Variants in ATOH8 observed in about 807,000 individuals in gnomAD.
ATOH8 encodes atonal bHLH transcription factor 8.
Under a neutral mutation model 21.2 loss-of-function variants are expected in ATOH8, and 9 were observed. That is an observed-to-expected ratio of 0.42 (90% CI 0.26 to 0.74). ATOH8 has a LOEUF of 0.74. Ranked by LOEUF, ATOH8 falls within the 30% of genes least tolerant of loss-of-function variation. ATOH8 has a pLI of 0.24. For synonymous variants in ATOH8, 253 were observed against 224.0 expected (o/e 1.13, Z -1.16); for missense variants, 524 against 470.9 (o/e 1.11, Z -1.04).
chr2:85,786,411 G>C (rs1680621464), intron 2 of ATOH8, among the ~76,000 whole-genome samples: 1 of 152,240 alleles, frequency 6.6e-6, no homozygotes, highest in African/African-American at 2.4e-5. Context: ...AGGTCACCCA[G>C]CTGGCAGGTG....
Position 85,754,054 on chromosome 2 carries a change from C to A in ATOH8, c.-136C>A. 1 of 1,134,420 alleles carries A rather than the reference C, an allele frequency of 8.8e-7. No homozygotes were observed. The highest frequency in any genetic ancestry group is 1.2e-6 in the Non-Finnish European group (1 of 864,280). The allele number at this position is 1,134,420 out of a possible 1,614,324, so 70.3% of individuals were successfully genotyped here. A position where few individuals can be genotyped will look rare whatever the true frequency, so the allele number is the denominator to read the frequency against. ...CGGCTTCCCGAAGCCGGCGGCGCAG[C>A]TGCCCGGGGCGAGGGGGAGAAAGGG... On this transcript the variant is annotated 5_prime_UTR_variant, in exon 1 of 3. In the 5' UTR this introduces an upstream ATG that the reference lacks. Coordinates refer to ENST00000306279, the MANE Select transcript of ATOH8 (RefSeq NM_032827.7).
intron 2 of ATOH8, among the ~76,000 whole-genome samples, chr2:85,776,007 C>T (rs1680309768): frequency 6.6e-6 from 1 of 152,254 alleles, no homozygotes; most frequent in South Asian, 2.1e-4. Flanking sequence ...ACTGAAATGA[C>T]CTGACTAGGC....
In ATOH8 at chr2:85,754,698, C is replaced by G. The variant is rs370860948; in HGVS notation, c.509C>G (p.Ala170Gly). Reference sequence around the variant, plus strand: ...CGCCCCGCGCCGTCAGCACCCCCAGCACCGCCAGCGCCCCCGGAGTCCACT... The same window carrying G: ...CGCCCCGCGCCGTCAGCACCCCCAGGACCGCCAGCGCCCCCGGAGTCCACT... ...PARPAPSAPP[A>G]PPAPPESTVR... is the part of the protein sequence containing the mutation. Residue 170 changes from alanine to glycine, a missense_variant, in exon 1 of 3, where the codon GCA becomes GGA. By Grantham distance (60) the Ala-to-Gly change is moderately conservative (BLOSUM62 0). Coordinates refer to ENST00000306279, the MANE Select transcript of ATOH8 (RefSeq NM_032827.7). 4.4e-6 allele frequency: 7 copies of G among 1,606,882 alleles called. No individual in the cohort carries two copies. Among genetic ancestry groups the G allele is most frequent in the Non-Finnish European group, 5.9e-6 (7 of 1,177,084 alleles).
intron 1 of ATOH8, 50 bp downstream of exon 1, chr2:85,755,007 G>A: frequency 6.6e-7 from 1 of 1,523,864 alleles, no homozygotes; most frequent in East Asian, 2.4e-5. Context: ...ACGACTGCGG[G>A]AATGGGTGGG....
Position 85,785,321 on chromosome 2 carries a change from C to T in ATOH8, c.961-1564C>T, listed in dbSNP as rs758658283. Among the ~76,000 whole-genome samples, 1 of 152,256 alleles carries T rather than the reference C, an allele frequency of 6.6e-6. No homozygotes were observed. The highest frequency in any genetic ancestry group is 1.5e-5 in the Non-Finnish European group (1 of 68,044). On this transcript the variant is annotated intron_variant, in intron 2 of 2. Coordinates refer to ENST00000306279, the MANE Select transcript of ATOH8 (RefSeq NM_032827.7). The surrounding 1 kb of genome is among the most constrained non-coding windows in gnomAD (Gnocchi z 4.1). ...CTTTCCGCTTCTTAATCCTCCTCCT[C>T]AGACTCGGTAACACAAAGCAGATTC...
At chr2:85,764,781 G>A (rs111352118) in intron 2 of ATOH8, among the ~76,000 whole-genome samples, 27 of 152,310 alleles carry the variant, frequency 1.8e-4, no homozygotes, top group African/African-American at 6.3e-4. Flanking sequence ...AGACCCTCTT[G>A]TAAGTAGATG....
rs1679945767 is a variant in ATOH8 at position 85,764,279 on chromosome 2, G to A, written c.960+97G>A. The A allele has an allele frequency of 1.0e-5, 15 of 1,465,684 alleles. No individual in the cohort carries two copies. The East Asian group carries it at 3.5e-4, about 34-fold the overall frequency. The allele number at this position is 1,465,684 out of a possible 1,614,324, so 90.8% of individuals were successfully genotyped here. On this transcript the variant is annotated intron_variant, in intron 2 of 2. Transcript: ENST00000306279. The stretch of plus-strand genomic sequence containing the variant: ...CCTGCCTATGCCCAGAATTCTGAAG[G>A]GGCCAGAGAGATCAGCTCTTGGAGG...
intron 2 of ATOH8, chr2:85,774,314 C>T: frequency 2.0e-6 from 2 of 985,500 alleles, no homozygotes; most frequent in Non-Finnish European, 2.4e-6. Flanking sequence ...CTGCCCTGCC[C>T]ACTGCTCAGC....
At chr2:85,765,400 C>T (rs567243015) in intron 2 of ATOH8, among the ~76,000 whole-genome samples, 1 of 152,362 alleles carries the variant, frequency 6.6e-6, no homozygotes, top group South Asian at 2.1e-4. Context: ...CTCAGGGCTC[C>T]CCGCTGCCGC....
At chr2:85,756,380 A>G (rs773054953) in intron 1 of ATOH8, among the ~76,000 whole-genome samples, 14 of 152,140 alleles carry the variant, frequency 9.2e-5, no homozygotes, top group Non-Finnish European at 1.9e-4. Context: ...GGACAGAAGG[A>G]TAACAGAAGG....
chr2:85,782,800 A>G (rs1032667385), intron 2 of ATOH8, among the ~76,000 whole-genome samples: 7 of 152,194 alleles, frequency 4.6e-5, no homozygotes, highest in Non-Finnish European at 7.3e-5. Flanking sequence ...GGTTCAAGAG[A>G]TCCTCCCACC....
chr2:85,765,851 G>T (rs968244438), intron 2 of ATOH8, among the ~76,000 whole-genome samples: 6 of 152,166 alleles, frequency 3.9e-5, no homozygotes, highest in African/African-American at 1.4e-4. Flanking sequence ...GGAGAGGCCC[G>T]ACAGAGCCGA....
In ATOH8 at chr2:85,789,679, G is replaced by A. The variant is rs1370543; in HGVS notation, c.*2789G>A. On this transcript the variant is annotated 3_prime_UTR_variant, in exon 3 of 3. Transcript: ENST00000306279. ...CCAGAAATTCTGATGTATTGGTCTA[G>A]GGTGTTGCCTGGTCATTGGGATTTT... is the stretch of plus-strand genomic sequence containing the variant. Among the ~76,000 whole-genome samples the A allele has an allele frequency of 0.072, 11,001 of 152,204 alleles. 1,340 individuals carry two copies. The highest frequency in any genetic ancestry group is 0.25 in the African/African-American group (10,496 of 41,470).
chr2:85,779,168 G>A (rs982301796), intron 2 of ATOH8, among the ~76,000 whole-genome samples: 4 of 152,268 alleles, frequency 2.6e-5, no homozygotes, highest in Non-Finnish European at 5.9e-5. Flanking sequence ...CTGGCATCTG[G>A]AAGAGCAGTG....
intron 2 of ATOH8, among the ~76,000 whole-genome samples, chr2:85,775,626 C>T (rs979578761): frequency 1.8e-4 from 28 of 152,204 alleles, no homozygotes; most frequent in African/African-American, 6.5e-4. Flanking sequence ...CCGAGCTTTT[C>T]ATCCTCAAGC....
At chr2:85,781,204 A>G (rs1207275908) in intron 2 of ATOH8, 16 of 414,262 alleles carry the variant, frequency 3.9e-5, no homozygotes, top group Non-Finnish European at 4.9e-5. Flanking sequence ...ATATGGGACA[A>G]TAGTTAACCA....
rs1558606151 is a variant in ATOH8 at position 85,754,951 on chromosome 2, G to GGCC, written c.762_763insGCC (p.Arg254_Lys255insAla). ...TCAGCGCAGCCTTCGAGGCGCTCAG[G>GGCC]AAGCAGGTACCCGCTCGCCGCCGCA... On this transcript the variant is annotated inframe_insertion, in exon 1 of 3. Coordinates refer to ENST00000306279, the MANE Select transcript of ATOH8 (RefSeq NM_032827.7). 6.3e-7 allele frequency: 1 copy of GGCC among 1,592,458 alleles called. No individual in the cohort carries two copies.
chr2:85,766,135 G>A lies in ATOH8; in HGVS notation c.960+1953G>A, dbSNP rs1680009270. On this transcript the variant is annotated intron_variant, in intron 2 of 2. Coordinates refer to ENST00000306279, the MANE Select transcript of ATOH8 (RefSeq NM_032827.7). This position sits in a 1 kb window ranked among gnomAD's most constrained non-coding sequence, Gnocchi z 4.0. ...ATGGGCCACCGTGAAGATGAAAGGAGTTACTGCAGGAGAGCGTGTGGTGTC... is the reference window on the plus strand; with the variant it reads ...ATGGGCCACCGTGAAGATGAAAGGAATTACTGCAGGAGAGCGTGTGGTGTC... Among the ~76,000 whole-genome samples the A allele has an allele frequency of 6.6e-6, 1 of 152,118 alleles. No individual in the cohort carries two copies.
chr2:85,755,040 G>T (rs896776134), intron 1 of ATOH8, 83 bp downstream of exon 1: 244 of 1,464,938 alleles, frequency 1.7e-4, no homozygotes, highest in Non-Finnish European at 2.0e-4. Context: ...GCGGGATAGA[G>T]GTGTGTTTAA....
Sources: allele counts gnomAD v4.1 joint callset (sites outside exome capture counted in the v4.1 genomes callset), GRCh38; gene constraint gnomAD v4.1.1; non-coding constraint Gnocchi (gnomAD v3.1); transcripts MANE v1.5; gene names NCBI Gene and HGNC (gene_info 2026-07-23, HGNC 2026-07-21).